Variants in BBS9 observed in about 807,000 individuals in gnomAD.
BBS9 encodes the protein Bardet-Biedl syndrome 9.
A neutral mutation model predicts 117.7 loss-of-function variants in BBS9; 89 were observed. That is an observed-to-expected ratio of 0.76 (90% confidence interval 0.64 to 0.90). The LOEUF is 0.90. Ranked by LOEUF, BBS9 falls within the 40% of genes least tolerant of loss-of-function variation. The pLI is 0.00. For missense variants in BBS9, 982 were observed against 1,042.2 expected, an observed-to-expected ratio of 0.94 and a Z score of 0.80; for synonymous variants, 379 against 370.9, an observed-to-expected ratio of 1.02 and a Z score of -0.25.
At chr7:33,144,559 A>C (rs1584126404) in intron 1 of BBS9, among the ~76,000 whole-genome samples, 1 of 152,262 alleles carries the variant, frequency 6.6e-6, no homozygotes, top group East Asian at 1.9e-4. Context: ...GTGTCCTTTC[A>C]TGGTCTACAG....
intron 1 of BBS9, among the ~76,000 whole-genome samples, chr7:33,136,222 C>A (rs982168542): frequency 6.6e-6 from 1 of 152,150 alleles, no homozygotes; most frequent in African/African-American, 2.4e-5. Context: ...TGCAACCTTG[C>A]TTAACTCATT....
intron 9 of BBS9, among the ~76,000 whole-genome samples, chr7:33,330,910 G>T (rs1486054732): frequency 6.6e-6 from 1 of 152,118 alleles, no homozygotes; most frequent in African/African-American, 2.4e-5. Context: ...CACGGTATTG[G>T]ATTTAATTGA....
At chr7:33,353,688 TTAAA>T (rs1289731149) in intron 15 of BBS9, among the ~76,000 whole-genome samples, 5 of 152,142 alleles carry the variant, frequency 3.3e-5, no homozygotes, top group East Asian at 1.9e-4. Context: ...TTAGTAATAA[TTAAA>T]TAAATATAAT....
chr7:33,556,140 T>C (rs1454854398), intron 21 of BBS9, among the ~76,000 whole-genome samples: 3 of 152,202 alleles, frequency 2.0e-5, no homozygotes, highest in Non-Finnish European at 4.4e-5. Flanking sequence ...TATGGTTAAT[T>C]CATCATCTAC....
chr7:33,174,597 G>A (rs1797055717), intron 4 of BBS9, among the ~76,000 whole-genome samples: 1 of 152,146 alleles, frequency 6.6e-6, no homozygotes, highest in Admixed American at 6.5e-5. Context: ...ACCGCCTTTG[G>A]CCAAAACTCG....
At chr7:33,436,053 T>C (rs957752616) in intron 19 of BBS9, among the ~76,000 whole-genome samples, 5 of 152,290 alleles carry the variant, frequency 3.3e-5, no homozygotes, top group Admixed American at 3.3e-4. Context: ...GTAGTCTTTT[T>C]TGTAAAGTGC....
chr7:33,377,506 A>AT (rs575970605), intron 17 of BBS9, among the ~76,000 whole-genome samples: 28 of 151,842 alleles, frequency 1.8e-4, no homozygotes, highest in Non-Finnish European at 3.1e-4. Context: ...TATTTGTTAT[A>AT]TTTTTTTTGT....
intron 19 of BBS9, among the ~76,000 whole-genome samples, chr7:33,399,917 C>T (rs930529013): frequency 4.6e-5 from 7 of 151,880 alleles, no homozygotes; most frequent in African/African-American, 1.2e-4. Context: ...GGAGAACAGA[C>T]CTATTATCGT....
At chr7:33,177,782 T>C (rs1167756089) in intron 5 of BBS9, 191 bp downstream of exon 5, 4 of 585,316 alleles carry the variant, frequency 6.8e-6, no homozygotes, top group Non-Finnish European at 1.2e-5. Flanking sequence ...TATCGTCTGA[T>C]CTTGGAAGCT....
chr7:33,557,735 C>T (rs1408106402), intron 21 of BBS9, among the ~76,000 whole-genome samples: 2 of 152,216 alleles, frequency 1.3e-5, no homozygotes. Flanking sequence ...AGTCTGCTTC[C>T]AGACTCTTTT....
At chr7:33,318,445 G>A (rs1208070183) in intron 9 of BBS9, among the ~76,000 whole-genome samples, 1 of 151,844 alleles carries the variant, frequency 6.6e-6, no homozygotes, top group Non-Finnish European at 1.5e-5. Flanking sequence ...CAGACAGTGA[G>A]GTCTCTTGTA....
intron 21 of BBS9, among the ~76,000 whole-genome samples, chr7:33,631,470 C>G (rs78013891): frequency 0.034 from 5,161 of 152,282 alleles, 112 homozygotes; most frequent in South Asian, 0.056. Context: ...TCTTTGCATC[C>G]TTAGCTCCTT....
chr7:33,164,280 T>C (rs1207948979), intron 4 of BBS9, among the ~76,000 whole-genome samples: 3 of 152,216 alleles, frequency 2.0e-5, no homozygotes, highest in Admixed American at 6.5e-5. Flanking sequence ...ATAAGTGCGA[T>C]GTGGTGCTGA....
intron 20 of BBS9, among the ~76,000 whole-genome samples, chr7:33,522,750 A>G (rs1848834648): frequency 6.6e-6 from 1 of 150,620 alleles, no homozygotes; most frequent in Admixed American, 6.6e-5. Context: ...TCTTTAGTTT[A>G]ATTAGATCCC....
intron 19 of BBS9, among the ~76,000 whole-genome samples, chr7:33,472,770 C>G (rs899602159): frequency 2.6e-5 from 4 of 152,132 alleles, no homozygotes; most frequent in African/African-American, 9.7e-5. Context: ...AGCATTACCC[C>G]CACTCTCTCA....
chr7:33,168,979 G>A (rs1796114804), intron 4 of BBS9, among the ~76,000 whole-genome samples: 1 of 143,986 alleles, frequency 6.9e-6, no homozygotes, highest in Admixed American at 7.1e-5. Flanking sequence ...CCCCACCACA[G>A]TCCCCAGAGT....
intron 5 of BBS9, among the ~76,000 whole-genome samples, chr7:33,191,445 A>AAAAACTGT (rs1784103756): frequency 6.6e-6 from 1 of 152,160 alleles, no homozygotes; most frequent in Non-Finnish European, 1.5e-5. Context: ...TGGGTGGCCA[A>AAAAACTGT]AAAACTGTAA....
intron 5 of BBS9, among the ~76,000 whole-genome samples, chr7:33,245,109 G>A (rs1313788588): frequency 6.6e-6 from 1 of 152,026 alleles, no homozygotes; most frequent in South Asian, 2.1e-4. Context: ...AAATACTAAG[G>A]GATCTAAGGA....
intron 19 of BBS9, among the ~76,000 whole-genome samples, chr7:33,488,359 T>C (rs1017572505): frequency 1.3e-5 from 2 of 152,104 alleles, no homozygotes; most frequent in African/African-American, 2.4e-5. Flanking sequence ...ACATTTTGCA[T>C]TTTTTCCTCA....
Sources: gnomAD v4.1 joint callset for allele counts (sites outside exome capture counted in the v4.1 genomes callset) on GRCh38, gnomAD v4.1.1 for gene constraint, MANE v1.5 for transcripts, NCBI Gene and HGNC (gene_info 2026-07-23, HGNC 2026-07-21) for gene names.